The following C12orf56 variants were observed in gnomAD, a reference collection of about 807,000 sequenced individuals.
C12orf56 encodes uncharacterized protein C12orf56.
A neutral mutation model predicts 69.9 loss-of-function variants in C12orf56; 71 were observed. The ratio of observed to expected loss-of-function variants is 1.02; its 90% CI spans 0.84 to 1.24. C12orf56 has a LOEUF of 1.24. Ranked by LOEUF, C12orf56 falls within the 50% of genes most tolerant of loss-of-function variation. The pLI, the probability that C12orf56 is intolerant of heterozygous loss-of-function variation, is 0.00. For synonymous variants in C12orf56, 276 were observed against 274.1 expected, an observed-to-expected ratio of 1.01 and a Z score of -0.07; for missense variants, 732 against 738.5, an observed-to-expected ratio of 0.99 and a Z score of 0.10.
chr12:64,308,432 T>C (rs1191116213), intron 5 of C12orf56, among the ~76,000 whole-genome samples: 1 of 152,240 alleles, frequency 6.6e-6, no homozygotes, highest in Non-Finnish European at 1.5e-5. Context: ...TTATATTTGC[T>C]TGTTATGTTT....
Position 64,318,928 on chromosome 12 carries a change from G to T in C12orf56, c.541C>A (p.Pro181Thr), listed in dbSNP as rs1456653858. Residue 181 changes from proline to threonine, a missense_variant, in exon 4 of 13, where the codon CCA becomes ACA. Coordinates refer to ENST00000543942, the MANE Select transcript of C12orf56 (RefSeq NM_001170633.2). ...TGAAGGGACAGCTTTTTGAGGCCTG[G>T]ACGAGGACAGAGAGTTGAGTCCTTG... ...PSKDSTLCPR[P>T]GLKKLSLHGQ... 1 of 1,535,906 alleles carries T rather than the reference G, an allele frequency of 6.5e-7. No individual in the cohort carries two copies. Among genetic ancestry groups the T allele is most frequent in the Non-Finnish European group, 8.7e-7 (1 of 1,146,346 alleles).
At chr12:64,370,457 C>A (rs1390796448) in intron 1 of C12orf56, among the ~76,000 whole-genome samples, 1 of 151,748 alleles carries the variant, frequency 6.6e-6, no homozygotes, top group Non-Finnish European at 1.5e-5. Context: ...TTGAGACCAG[C>A]CTGACCAACA....
At chr12:64,336,405 A>T (rs1186966361) in intron 2 of C12orf56, among the ~76,000 whole-genome samples, 3 of 152,146 alleles carry the variant, frequency 2.0e-5, no homozygotes, top group Non-Finnish European at 4.4e-5. Flanking sequence ...TAGGAATTTA[A>T]ATGTCATCAA....
intron 11 of C12orf56, among the ~76,000 whole-genome samples, chr12:64,271,639 A>G (rs1235999372): frequency 6.6e-6 from 1 of 152,184 alleles, no homozygotes; most frequent in Non-Finnish European, 1.5e-5. Flanking sequence ...CAGGTAGGGC[A>G]AGTAGGTGGA....
At chr12:64,361,947 G>A (rs959987004) in intron 1 of C12orf56, among the ~76,000 whole-genome samples, 1 of 152,130 alleles carries the variant, frequency 6.6e-6, no homozygotes, top group Non-Finnish European at 1.5e-5. Context: ...GGTCAGGCTG[G>A]TCTCAAACTC....
intron 1 of C12orf56, among the ~76,000 whole-genome samples, chr12:64,378,700 G>A (rs1426073100): frequency 1.3e-5 from 2 of 151,850 alleles, no homozygotes; most frequent in African/African-American, 4.8e-5. Context: ...CTCCCAAATT[G>A]CTGTGATTAC....
intron 2 of C12orf56, among the ~76,000 whole-genome samples, chr12:64,340,525 G>C (rs758581855): frequency 1.6e-4 from 25 of 152,032 alleles, no homozygotes; most frequent in Non-Finnish European, 1.5e-4. Flanking sequence ...ACTATCCTTT[G>C]TACAACCAGA....
chr12:64,383,300 A>G (rs573749611), intron 1 of C12orf56, among the ~76,000 whole-genome samples: 2 of 121,352 alleles, frequency 1.6e-5, no homozygotes, highest in African/African-American at 5.1e-5. Flanking sequence ...CTGGGCAACA[A>G]AGTCTCAAAA....
intron 3 of C12orf56, among the ~76,000 whole-genome samples, chr12:64,321,025 C>T (rs931687437): frequency 6.6e-6 from 1 of 152,210 alleles, no homozygotes; most frequent in South Asian, 2.1e-4. Flanking sequence ...GACCACTTCT[C>T]CCACTTCTAG....
At chr12:64,373,465 A>G (rs2039600906) in intron 1 of C12orf56, among the ~76,000 whole-genome samples, 1 of 152,194 alleles carries the variant, frequency 6.6e-6, no homozygotes, top group Admixed American at 6.5e-5. Flanking sequence ...AAATAAAGAA[A>G]ACAAAACCTG....
intron 1 of C12orf56, chr12:64,389,497 G>A (rs1037155563): frequency 1.3e-5 from 2 of 152,220 alleles, no homozygotes; most frequent in Non-Finnish European, 2.9e-5. Context: ...TTTTGCTGGG[G>A]AGGGGGTGGA....
chr12:64,384,859 G>C (rs1030116339), intron 1 of C12orf56, among the ~76,000 whole-genome samples: 2 of 152,048 alleles, frequency 1.3e-5, no homozygotes, highest in Non-Finnish European at 2.9e-5. Flanking sequence ...TTCGAGACTG[G>C]CCTGGCCAAC....
intron 1 of C12orf56, among the ~76,000 whole-genome samples, chr12:64,358,716 C>T (rs1185887965): frequency 1.3e-5 from 2 of 151,780 alleles, no homozygotes; most frequent in African/African-American, 4.8e-5. Flanking sequence ...ATCACTTGAA[C>T]CCAGGAGGGA....
intron 1 of C12orf56, 56 bp downstream of exon 1, chr12:64,390,258 C>G (rs2039849260): frequency 2.0e-6 from 3 of 1,525,946 alleles, no homozygotes; most frequent in East Asian, 2.4e-5. Context: ...TTTGGGGGCC[C>G]CAGCCGGGAG....
chr12:64,325,231 G>A (rs944573983), intron 3 of C12orf56, among the ~76,000 whole-genome samples: 2 of 152,028 alleles, frequency 1.3e-5, no homozygotes, highest in Non-Finnish European at 2.9e-5. Flanking sequence ...TCTCAAAGCA[G>A]TAACACCACA....
chr12:64,387,276 A>G (rs1295963204), intron 1 of C12orf56, among the ~76,000 whole-genome samples: 5 of 152,100 alleles, frequency 3.3e-5, no homozygotes, highest in Non-Finnish European at 5.9e-5. Context: ...GGGCTTAATT[A>G]TTCTGCCTAT....
At chr12:64,326,901 T>G (rs1469100690) in intron 3 of C12orf56, among the ~76,000 whole-genome samples, 1 of 152,224 alleles carries the variant, frequency 6.6e-6, no homozygotes, top group African/African-American at 2.4e-5. Flanking sequence ...ATGGCAGTAT[T>G]GAGTGGTGAG....
intron 1 of C12orf56, among the ~76,000 whole-genome samples, chr12:64,365,256 C>T (rs2039449847): frequency 6.7e-6 from 1 of 150,198 alleles, no homozygotes; most frequent in Admixed American, 6.7e-5. Flanking sequence ...CCTCCGCCTT[C>T]CGGTTTCAAG....
At chr12:64,365,182 T>C (rs868000736) in intron 1 of C12orf56, among the ~76,000 whole-genome samples, 5 of 143,814 alleles carry the variant, frequency 3.5e-5, no homozygotes, top group Non-Finnish European at 6.0e-5. Flanking sequence ...TTTTTTTTTT[T>C]AGATGGAGTT....
Sources: gnomAD v4.1 joint callset for allele counts (sites outside exome capture counted in the v4.1 genomes callset) on GRCh38, gnomAD v4.1.1 for gene constraint, MANE v1.5 for transcripts, NCBI Gene and HGNC (gene_info 2026-07-23, HGNC 2026-07-21) for gene names.